DAB1: variants seen among roughly 807,000 people sequenced by gnomAD.
DAB1 encodes disabled homolog 1.
Under a neutral mutation model 64.6 loss-of-function variants are expected in DAB1, and 15 were observed. That is an observed-to-expected ratio of 0.23 (90% CI 0.16 to 0.36). DAB1 has a LOEUF of 0.36. DAB1 is among the 10% of genes least tolerant of loss of function. The pLI is 1.00. For missense variants in DAB1, 596 were observed against 706.7 expected, an observed-to-expected ratio of 0.84 and a Z score of 1.78; for synonymous variants, 235 against 251.9, an observed-to-expected ratio of 0.93 and a Z score of 0.64.
intron 1 of DAB1, among the ~76,000 whole-genome samples, chr1:57,849,341 T>C (rs927059182): frequency 2.0e-5 from 3 of 152,222 alleles, no homozygotes; most frequent in Admixed American, 1.3e-4. Context: ...CATCTGGATC[T>C]TTCAGCCTCT....
At chr1:57,114,043 G>C (rs1331361400) in intron 4 of DAB1, among the ~76,000 whole-genome samples, 1 of 152,156 alleles carries the variant, frequency 6.6e-6, no homozygotes, top group Non-Finnish European at 1.5e-5. Flanking sequence ...TATGGAAACT[G>C]ACCTGGTCTC....
intron 6 of DAB1, among the ~76,000 whole-genome samples, chr1:57,686,256 A>G (rs1297890914): frequency 6.6e-6 from 1 of 152,200 alleles, no homozygotes; most frequent in African/African-American, 2.4e-5. Flanking sequence ...ACGCTCAGAG[A>G]TTATTTTGAA....
rs149728801 is a variant in DAB1 at position 57,889,960 on chromosome 1, C to T, written n.388-5798G>A. 5.2e-4 allele frequency among the ~76,000 whole-genome samples: 78 copies of T among 149,850 alleles called. 2 individuals are homozygous for T. In the East Asian group the frequency reaches 0.013, roughly 25 times the overall value. ...AGGAATGTTCTGATTGGCTGATGATCATTCAGAGCTGTGGGCTTTCTTCTC... is the reference window on the plus strand; with the variant it reads ...AGGAATGTTCTGATTGGCTGATGATTATTCAGAGCTGTGGGCTTTCTTCTC... On this transcript the variant is annotated intron_variant and non_coding_transcript_variant, in intron 5 of 20. Coordinates refer to the DAB1 transcript ENST00000485760.
chr1:57,645,552 T>C (rs983432876), intron 7 of DAB1, among the ~76,000 whole-genome samples: 1 of 152,244 alleles, frequency 6.6e-6, no homozygotes, highest in Non-Finnish European at 1.5e-5. Flanking sequence ...GGGTTTACAA[T>C]GGTATATGTT....
At chr1:57,399,730 A>G (rs1305661214) in intron 1 of DAB1, among the ~76,000 whole-genome samples, 1 of 152,234 alleles carries the variant, frequency 6.6e-6, no homozygotes, top group Non-Finnish European at 1.5e-5. Flanking sequence ...ACAGCTAGTA[A>G]GCTACACAGC....
In DAB1 at chr1:57,723,575, T is replaced by A. The variant is rs186592433; in HGVS notation, n.552-73910A>T. Reference sequence around the variant, plus strand: ...AAGCTTTTCTCACAATCACTGGGAATTCTCTGCATTCACAGACAAATGGCA... The same window carrying A: ...AAGCTTTTCTCACAATCACTGGGAAATCTCTGCATTCACAGACAAATGGCA... On this transcript the variant is annotated intron_variant and non_coding_transcript_variant, in intron 6 of 20. Transcript: ENST00000485760. Among the ~76,000 whole-genome samples, 30 of 152,340 alleles carry A rather than the reference T, an allele frequency of 2.0e-4. 1 individual carries two copies. The East Asian group carries it at 5.8e-3, about 29-fold the overall frequency.
intron 5 of DAB1, among the ~76,000 whole-genome samples, chr1:58,126,920 C>T (rs1247376467): frequency 6.2e-5 from 9 of 145,020 alleles, no homozygotes; most frequent in Admixed American, 2.7e-4. Context: ...AATAAACATA[C>T]GTGTGCATGT....
chr1:58,409,096 T>G (rs578172820), intron 3 of DAB1, among the ~76,000 whole-genome samples: 1 of 152,368 alleles, frequency 6.6e-6, no homozygotes, highest in East Asian at 1.9e-4. Context: ...ATACAGCATC[T>G]CCTTGGTGCT....
Position 57,658,316 on chromosome 1 carries a change from T to C in DAB1, n.552-8651A>G, listed in dbSNP as rs528298093. 2.5e-3 allele frequency among the ~76,000 whole-genome samples: 373 copies of C among 150,650 alleles called. 2 individuals are homozygous for C. Among genetic ancestry groups the C allele is most frequent in the African/African-American group, 8.5e-3 (351 of 41,058 alleles). ...CTTTGCAATTTTGTTCTTTTTTTTT[T>C]TTTTTTTGAGATGGAGTCTCACTGT... On this transcript the variant is annotated intron_variant and non_coding_transcript_variant, in intron 6 of 20. Coordinates refer to the DAB1 transcript ENST00000485760.
intron 6 of DAB1, among the ~76,000 whole-genome samples, chr1:57,738,507 A>G (rs1205592275): frequency 3.3e-5 from 5 of 151,656 alleles, no homozygotes; most frequent in Non-Finnish European, 5.9e-5. Context: ...CATACCCCCA[A>G]CCCCACACCC....
intron 6 of DAB1, among the ~76,000 whole-genome samples, chr1:57,779,320 C>T (rs1649958433): frequency 1.3e-5 from 2 of 152,054 alleles, no homozygotes; most frequent in East Asian, 3.9e-4. Flanking sequence ...ATTATAGAAA[C>T]TGAAAGGCCA....
At chr1:57,155,748 T>C (rs1217293299) in intron 2 of DAB1, among the ~76,000 whole-genome samples, 1 of 127,072 alleles carries the variant, frequency 7.9e-6, no homozygotes, top group Non-Finnish European at 1.7e-5. Flanking sequence ...AATACAGAGA[T>C]CTTTCTTTTT....
chr1:57,044,586 G>A (rs541275658), intron 9 of DAB1, among the ~76,000 whole-genome samples: 6 of 152,288 alleles, frequency 3.9e-5, no homozygotes, highest in African/African-American at 1.4e-4. Context: ...TGTAGCTAGG[G>A]AATGAAGAAG....
chr1:57,637,829 T>C (rs757071782), intron 7 of DAB1, among the ~76,000 whole-genome samples: 5 of 152,192 alleles, frequency 3.3e-5, no homozygotes, highest in Non-Finnish European at 5.9e-5. Context: ...GGTGTCCTCA[T>C]ATATAACTGA....
chr1:58,329,532 C>T (rs1400064514), intron 4 of DAB1, among the ~76,000 whole-genome samples: 2 of 152,136 alleles, frequency 1.3e-5, no homozygotes, highest in Non-Finnish European at 2.9e-5. Flanking sequence ...AGACATAATG[C>T]AGGCATACCT....
In DAB1 at chr1:57,604,022, G is replaced by A. The variant is rs186364712; in HGVS notation, n.625+45570C>T. 4.0e-3 allele frequency among the ~76,000 whole-genome samples: 610 copies of A among 152,298 alleles called. 9 individuals carry two copies. Among genetic ancestry groups the A allele is most frequent in the African/African-American group, 0.013 (561 of 41,558 alleles). On this transcript the variant is annotated intron_variant and non_coding_transcript_variant, in intron 7 of 20. Transcript: ENST00000485760. Reference sequence around the variant, plus strand: ...TTTCTCAAGGTCAGCACATGCTGGCGTTTCCCTGGGGAGCTGGGGGCCTCC... The same window carrying A: ...TTTCTCAAGGTCAGCACATGCTGGCATTTCCCTGGGGAGCTGGGGGCCTCC...
chr1:57,165,429 T>C (rs1253393669), intron 2 of DAB1, among the ~76,000 whole-genome samples: 1 of 152,148 alleles, frequency 6.6e-6, no homozygotes, highest in Non-Finnish European at 1.5e-5. Context: ...TGAGCAGTAA[T>C]AGGATAAAAC....
intron 3 of DAB1, among the ~76,000 whole-genome samples, chr1:58,381,363 A>C (rs1273041056): frequency 2.0e-5 from 3 of 152,230 alleles, no homozygotes. Flanking sequence ...TAGGGCTTTT[A>C]AGACTATGAT....
In DAB1 at chr1:58,222,841, C is replaced by T. The variant is rs146016740; in HGVS notation, n.310-72253G>A. On this transcript the variant is annotated intron_variant and non_coding_transcript_variant, in intron 4 of 20. Transcript: ENST00000485760. ...CAGGCTAAGCATATTGTACATAGTA[C>T]AGTGTATTTCCCAAACAGCCCTTCA... Among the ~76,000 whole-genome samples, 62 of 152,296 alleles carry T rather than the reference C, an allele frequency of 4.1e-4. 1 individual carries two copies. Among genetic ancestry groups the T allele is most frequent in the Middle Eastern group, 3.4e-3 (1 of 294 alleles).
Sources: allele counts gnomAD v4.1 joint callset (sites outside exome capture counted in the v4.1 genomes callset), GRCh38; gene constraint gnomAD v4.1.1; transcripts MANE v1.5; gene names NCBI Gene and HGNC (gene_info 2026-07-23, HGNC 2026-07-21).